Variants in SCHIP1 observed in about 807,000 individuals in gnomAD.
SCHIP1 encodes the protein schwannomin-interacting protein 1.
SCHIP1 carries 8 observed loss-of-function variants against 29.7 expected under a neutral mutation model. The observed-to-expected ratio is 0.27, with a 90% CI of 0.16 to 0.49. The LOEUF (loss-of-function observed/expected upper bound fraction) is 0.49, where lower values mean the gene tolerates loss of function less well. SCHIP1 is among the 20% of genes least tolerant of loss of function. SCHIP1 has a pLI of 0.99. For missense variants in SCHIP1, 193 were observed against 294.6 expected (o/e 0.66, Z 2.52); for synonymous variants, 76 against 94.9 (o/e 0.80, Z 1.16).
intron 6 of SCHIP1, chr3:159,892,434 C>G (rs1007354864): frequency 1.7e-6 from 1 of 594,280 alleles, no homozygotes; most frequent in African/African-American, 1.9e-5. Context: ...TCTCACATCT[C>G]CGCCTAAATC....
the SCHIP1 span, among the ~76,000 whole-genome samples, chr3:159,523,682 G>A: frequency 3.9e-4 from 59 of 152,214 alleles, no homozygotes; most frequent in African/African-American, 1.1e-3. Flanking sequence ...TATCCATCCC[G>A]TCATCCACCC....
chr3:159,738,356 T>C, the SCHIP1 span, among the ~76,000 whole-genome samples: 1 of 152,180 alleles, frequency 6.6e-6, no homozygotes, highest in South Asian at 2.1e-4. Flanking sequence ...TTAATTATAG[T>C]CTTTGCATAT....
chr3:159,560,225 A>C, the SCHIP1 span, among the ~76,000 whole-genome samples: 1 of 152,198 alleles, frequency 6.6e-6, no homozygotes, highest in Admixed American at 6.5e-5. Flanking sequence ...TGTAAATACG[A>C]TAACTACATC....
At chr3:159,485,204 A>G in the SCHIP1 span, among the ~76,000 whole-genome samples, 1 of 152,158 alleles carries the variant, frequency 6.6e-6, no homozygotes, top group Non-Finnish European at 1.5e-5. Flanking sequence ...TATGTCTAAG[A>G]GGCAAGGAGA....
chr3:159,777,158 T>A, the SCHIP1 span, among the ~76,000 whole-genome samples: 2 of 152,208 alleles, frequency 1.3e-5, no homozygotes, highest in Non-Finnish European at 2.9e-5. Flanking sequence ...CTAACAAATA[T>A]CTGCTGTCCA....
At chr3:159,292,454 G>A in the SCHIP1 span, among the ~76,000 whole-genome samples, 1 of 152,136 alleles carries the variant, frequency 6.6e-6, no homozygotes, top group Admixed American at 6.5e-5. Context: ...ATAATGATAT[G>A]TGTTCTTTGT....
At chr3:159,381,019 A>C in the SCHIP1 span, among the ~76,000 whole-genome samples, 13 of 152,354 alleles carry the variant, frequency 8.5e-5, no homozygotes, top group African/African-American at 3.1e-4. Context: ...TGTCACCTTC[A>C]TGTGGGCAAA....
the SCHIP1 span, among the ~76,000 whole-genome samples, chr3:159,580,472 C>A: frequency 6.6e-6 from 1 of 152,144 alleles, no homozygotes; most frequent in Non-Finnish European, 1.5e-5. Context: ...TCAAGGCAGA[C>A]GGAGAGACGT....
At chr3:159,807,778 A>G in the SCHIP1 span, among the ~76,000 whole-genome samples, 1 of 152,216 alleles carries the variant, frequency 6.6e-6, no homozygotes, top group Non-Finnish European at 1.5e-5. Context: ...GTGTCACTGC[A>G]GTGTGAGTTG....
At chr3:159,720,012 A>G in the SCHIP1 span, among the ~76,000 whole-genome samples, 1 of 152,220 alleles carries the variant, frequency 6.6e-6, no homozygotes, top group Non-Finnish European at 1.5e-5. Context: ...CTGGATTAAG[A>G]AAATGTGGCA....
the SCHIP1 span, among the ~76,000 whole-genome samples, chr3:159,594,217 A>G: frequency 6.6e-6 from 1 of 152,226 alleles, no homozygotes; most frequent in African/African-American, 2.4e-5. Flanking sequence ...GTGAAAAAGG[A>G]AAGTGGCCAG....
At chr3:159,366,115 T>C in the SCHIP1 span, among the ~76,000 whole-genome samples, 2 of 151,970 alleles carry the variant, frequency 1.3e-5, no homozygotes, top group Non-Finnish European at 2.9e-5. Flanking sequence ...CTCAGGAAGA[T>C]TCCAATCATG....
the SCHIP1 span, among the ~76,000 whole-genome samples, chr3:159,611,599 T>G: frequency 6.6e-6 from 1 of 152,116 alleles, no homozygotes; most frequent in South Asian, 2.1e-4. Flanking sequence ...AAAACCTAGA[T>G]GACGGGTTGA....
At chr3:159,878,951 CT>C (rs1716164759) in intron 2 of SCHIP1, among the ~76,000 whole-genome samples, 1 of 150,250 alleles carries the variant, frequency 6.7e-6, no homozygotes, top group Non-Finnish European at 1.5e-5. Flanking sequence ...TATTTCCTGA[CT>C]TTTTTTCTAT....
the SCHIP1 span, among the ~76,000 whole-genome samples, chr3:159,582,966 TG>T: frequency 6.6e-6 from 1 of 152,264 alleles, no homozygotes; most frequent in East Asian, 1.9e-4. Flanking sequence ...GCACAAAAAT[TG>T]GTTAACTCAA....
chr3:159,883,049 C>T (rs73168586), intron 2 of SCHIP1, among the ~76,000 whole-genome samples: 34,176 of 152,068 alleles, frequency 0.22, 4,014 homozygotes, highest in African/African-American at 0.26. Context: ...CGGGCAGCAG[C>T]GTTGTTTTTA....
chr3:159,854,000 C>T (rs571193849), intron 1 of SCHIP1, among the ~76,000 whole-genome samples: 7 of 151,916 alleles, frequency 4.6e-5, no homozygotes, highest in African/African-American at 1.2e-4. Flanking sequence ...ATCACAGGCC[C>T]GAGTAAAAAT....
chr3:159,527,766 A>G, the SCHIP1 span, among the ~76,000 whole-genome samples: 1 of 152,036 alleles, frequency 6.6e-6, no homozygotes. Flanking sequence ...AGTGGGTTTT[A>G]ATTGAGGAGG....
At chr3:159,306,787 C>T in the SCHIP1 span, among the ~76,000 whole-genome samples, 11 of 152,298 alleles carry the variant, frequency 7.2e-5, no homozygotes, top group South Asian at 2.1e-3. Flanking sequence ...GTATATCTAA[C>T]ATTAAGCTCA....
Sources: allele counts gnomAD v4.1 joint callset (sites outside exome capture counted in the v4.1 genomes callset), GRCh38; gene constraint gnomAD v4.1.1; transcripts MANE v1.5; gene names NCBI Gene and HGNC (gene_info 2026-07-23, HGNC 2026-07-21).